AMACR: variants seen among roughly 807,000 people sequenced by gnomAD.
AMACR encodes the protein 2-methylacyl-CoA racemase.
Under a neutral mutation model 22.2 loss-of-function variants are expected in AMACR, and 18 were observed. The ratio of observed to expected loss-of-function variants is 0.81; its 90% CI spans 0.56 to 1.20. The LOEUF is 1.20. AMACR is among the 50% of genes most tolerant of loss of function. The pLI is 0.00. For synonymous variants in AMACR, 213 were observed against 191.3 expected (o/e 1.11, Z -0.94); for missense variants, 499 against 490.6 (o/e 1.02, Z -0.16).
At chr5:33,991,061 C>T (rs1254928408) in intron 4 of AMACR, among the ~76,000 whole-genome samples, 1 of 152,236 alleles carries the variant, frequency 6.6e-6, no homozygotes, top group Non-Finnish European at 1.5e-5. Flanking sequence ...GTGATCTTCA[C>T]ATGCTTTTAA....
intron 3 of AMACR, among the ~76,000 whole-genome samples, chr5:34,002,809 T>G (rs1467813656): frequency 6.6e-6 from 1 of 152,120 alleles, no homozygotes; most frequent in Non-Finnish European, 1.5e-5. Flanking sequence ...CCACAAAAGA[T>G]AAACCACACT....
chr5:33,992,261 G>A (rs2112039517), intron 4 of AMACR, among the ~76,000 whole-genome samples: 1 of 152,048 alleles, frequency 6.6e-6, no homozygotes, highest in African/African-American at 2.4e-5. Flanking sequence ...TTTTAGTACA[G>A]GCAGATCAAA....
intron 3 of AMACR, among the ~76,000 whole-genome samples, chr5:34,000,127 C>T (rs373715894): frequency 7.7e-4 from 117 of 152,272 alleles, no homozygotes; most frequent in African/African-American, 2.6e-3. Flanking sequence ...GTATTTGAAA[C>T]ACTATTGAGG....
chr5:33,988,749 T>C lies in AMACR; in HGVS notation c.*344A>G. On this transcript the variant is annotated 3_prime_UTR_variant, in exon 5 of 5. Transcript: ENST00000335606. The stretch of plus-strand genomic sequence containing the variant: ...TTGTAGAATCAAGAGTGTAAATAAA[T>C]GTATATCGATGTCTTCAAGAATATA... The C allele has an allele frequency of 1.7e-6, 2 of 1,203,378 alleles. No individual in the cohort carries two copies. Among genetic ancestry groups the C allele is most frequent in the Non-Finnish European group, 2.1e-6 (2 of 964,962 alleles). The allele number at this position is 1,203,378 out of a possible 1,614,324, so 74.5% of individuals were successfully genotyped here.
In AMACR at chr5:33,987,853, A is replaced by C. The variant is rs1753340579; in HGVS notation, c.*1240T>G. Reference sequence around the variant, plus strand: ...ATAAGTTGGTAGGACATAATATTTAATTCGTTGGGGACCTAATTATTTATA... The same window carrying C: ...ATAAGTTGGTAGGACATAATATTTACTTCGTTGGGGACCTAATTATTTATA... On this transcript the variant is annotated 3_prime_UTR_variant, in exon 5 of 5. Transcript: ENST00000335606. 1 of 152,644 alleles carries C rather than the reference A, an allele frequency of 6.6e-6. No individual in the cohort carries two copies. The highest frequency in any genetic ancestry group is 6.5e-5 in the Admixed American group (1 of 15,298). The allele number at this position is 152,644 out of a possible 1,614,324, so 9.5% of individuals were successfully genotyped here.
intron 3 of AMACR, among the ~76,000 whole-genome samples, chr5:34,001,238 A>C (rs1753805714): frequency 6.6e-6 from 1 of 152,256 alleles, no homozygotes; most frequent in Non-Finnish European, 1.5e-5. Context: ...TTAAGAGTTT[A>C]ACTGAGCAAC....
chr5:33,988,081 A>C lies in AMACR; in HGVS notation c.*1012T>G, dbSNP rs1284641195. 3 of 425,336 alleles carry C rather than the reference A, an allele frequency of 7.1e-6. No individual in the cohort carries two copies. The highest frequency in any genetic ancestry group is 6.0e-5 in the African/African-American group (3 of 50,404). 26.3% of individuals were successfully genotyped at this position (425,336 alleles called of 1,614,324 possible). A position where few individuals can be genotyped will look rare whatever the true frequency, so the allele number is the denominator to read the frequency against. Reference sequence around the variant, plus strand: ...ATGGACCTTATTGATGGCCTACCCAACATCCATTCTCTACTCCCTCTACTC... The same window carrying C: ...ATGGACCTTATTGATGGCCTACCCACCATCCATTCTCTACTCCCTCTACTC... On this transcript the variant is annotated 3_prime_UTR_variant, in exon 5 of 5. Coordinates refer to ENST00000335606, the MANE Select transcript of AMACR (RefSeq NM_014324.6).
chr5:34,005,309 C>CT (rs36104135), intron 2 of AMACR, among the ~76,000 whole-genome samples: 62,719 of 151,980 alleles, frequency 0.41, 14,728 homozygotes, highest in Non-Finnish European at 0.53. Context: ...AAACCATGGG[C>CT]TTTTTTTAGT....
At chr5:33,995,838 C>T (rs1202590810) in intron 4 of AMACR, among the ~76,000 whole-genome samples, 1 of 152,180 alleles carries the variant, frequency 6.6e-6, no homozygotes, top group Middle Eastern at 3.2e-3. Context: ...TAAAAGCTTG[C>T]AGCAAGCCAA....
At chr5:34,007,558 A>C (rs140769959) in intron 1 of AMACR, among the ~76,000 whole-genome samples, 55 of 152,346 alleles carry the variant, frequency 3.6e-4, no homozygotes, top group African/African-American at 1.3e-3. Context: ...GAAACCGGGC[A>C]ACAGCAGTAT....
intron 4 of AMACR, among the ~76,000 whole-genome samples, chr5:33,992,471 G>C (rs1191008000): frequency 6.6e-6 from 1 of 152,074 alleles, no homozygotes; most frequent in Admixed American, 6.5e-5. Flanking sequence ...ACTTTGGAAG[G>C]CTGAGGCAGG....
chr5:33,996,191 G>T (rs987265268), intron 4 of AMACR, among the ~76,000 whole-genome samples: 1 of 151,796 alleles, frequency 6.6e-6, no homozygotes, highest in Non-Finnish European at 1.5e-5. Context: ...ATATTTTATC[G>T]CAGCTGTCTT....
At chr5:33,998,901 GT>G in intron 3 of AMACR, 74 bp from the exon 4 acceptor site, 1 of 1,469,902 alleles carries the variant, frequency 6.8e-7, no homozygotes, top group Non-Finnish European at 9.5e-7. Flanking sequence ...TCCCATTCAA[GT>G]TAAAAAAAAT....
chr5:33,997,583 A>G (rs1753682592), intron 4 of AMACR: 4 of 765,196 alleles, frequency 5.2e-6, no homozygotes, highest in Non-Finnish European at 7.3e-6. Flanking sequence ...TGCAGGTGGC[A>G]GTGTTCATGG....
At chr5:34,007,425 TC>T (rs1754017396) in intron 1 of AMACR, among the ~76,000 whole-genome samples, 1 of 152,008 alleles carries the variant, frequency 6.6e-6, no homozygotes, top group Admixed American at 6.6e-5. Context: ...AGGAAGGGAA[TC>T]CTATGGCTTT....
At chr5:34,006,279 T>C (rs77778912) in intron 1 of AMACR, among the ~76,000 whole-genome samples, 3,919 of 152,288 alleles carry the variant, frequency 0.026, 79 homozygotes, top group Middle Eastern at 0.12. Context: ...ATCTTCCCTA[T>C]CAGCTCATGA....
rs551357353 is a variant in AMACR at position 33,998,651 on chromosome 5, C to T, written c.729G>A (p.Leu243=). The part of the protein sequence containing the change: ...VGAIEPQFYE[L]LIKGLGLKSD... ...GTGAAGTTCACTTACCTTTGATCAGCAGCTCGTAGAACTGGGGTTCTATTG... is the reference window on the plus strand; with the variant it reads ...GTGAAGTTCACTTACCTTTGATCAGTAGCTCGTAGAACTGGGGTTCTATTG... The change falls in exon 4 of 5, where the codon CTG becomes CTA. Residue 243 remains leucine, a synonymous_variant. Transcript: ENST00000335606. 1.9e-6 allele frequency: 3 copies of T among 1,608,142 alleles called. No homozygotes were observed. The African/African-American group carries it at 4.0e-5, about 21-fold the overall frequency.
intron 4 of AMACR, among the ~76,000 whole-genome samples, chr5:33,989,974 T>A (rs1278312767): frequency 2.6e-5 from 4 of 152,088 alleles, no homozygotes; most frequent in Admixed American, 2.6e-4. Context: ...GATTGCAATT[T>A]TTTAAATACA....
At chr5:33,989,799 A>G (rs1753419872) in intron 4 of AMACR, among the ~76,000 whole-genome samples, 1 of 152,096 alleles carries the variant, frequency 6.6e-6, no homozygotes. Context: ...GTAGATTTTG[A>G]AAAAAAATTT....
Sources: gnomAD v4.1 joint callset for allele counts (sites outside exome capture counted in the v4.1 genomes callset) on GRCh38, gnomAD v4.1.1 for gene constraint, MANE v1.5 for transcripts, NCBI Gene and HGNC (gene_info 2026-07-23, HGNC 2026-07-21) for gene names.